Variants in MCTP1 observed in about 807,000 individuals in gnomAD.
The protein encoded by MCTP1 is multiple C2 and transmembrane domain containing 1, also known as multiple C2 and transmembrane domain-containing protein 1.
MCTP1 carries 69 observed loss-of-function variants against 120.6 expected under a neutral mutation model. The ratio of observed to expected loss-of-function variants is 0.57; its 90% CI spans 0.47 to 0.70. MCTP1 has a LOEUF of 0.70. Among genes scored for constraint, MCTP1 ranks in the 30% least tolerant of loss-of-function variants. MCTP1 has a pLI of 0.00. For missense variants in MCTP1, 1,203 were observed against 1,248.8 expected, an observed-to-expected ratio of 0.96 and a Z score of 0.55; for synonymous variants, 529 against 493.1, an observed-to-expected ratio of 1.07 and a Z score of -0.96.
Position 94,868,349 on chromosome 5 carries a change from C to G in MCTP1, c.2420G>C (p.Ser807Thr). ...SCFDWDSPPR[S>T]LAAFVLFLFV... ...TGATCATACCACAAAAGCAGCGAGA[C>G]TCCTTGGGGGTGAATCCCAATCAAA... Residue 807 changes from serine (S) to threonine (T), a missense_variant, in exon 17 of 23, where the codon AGT (serine) becomes ACT (threonine). By Grantham distance (58) the Ser-to-Thr change is moderately conservative. This residue lies in a region of MCTP1 where 740 missense variants were observed against 871.1 expected (regional missense o/e 0.85). Transcript: ENST00000515393. 6.2e-7 allele frequency: 1 copy of G among 1,601,428 alleles called. No homozygotes were observed. The highest frequency in any genetic ancestry group is 8.5e-7 in the Non-Finnish European group (1 of 1,174,614).
Position 94,779,095 on chromosome 5 carries a change from G to C in MCTP1, c.2610+15C>G. 7 of 1,610,414 alleles carry C rather than the reference G, an allele frequency of 4.3e-6. No individual in the cohort carries two copies. Among genetic ancestry groups the C allele is most frequent in the Non-Finnish European group, 5.9e-6 (7 of 1,176,772 alleles). Reference sequence around the variant, plus strand: ...CCCCATCCCCAGGTACCCAAGTGCTGGGAAAGATAATTACCTTGTCATCTT... The same window carrying C: ...CCCCATCCCCAGGTACCCAAGTGCTCGGAAAGATAATTACCTTGTCATCTT... On this transcript the variant is annotated intron_variant, in intron 19 of 22. Coordinates refer to ENST00000515393, the MANE Select transcript of MCTP1 (RefSeq NM_024717.7).
intron 1 of MCTP1, among the ~76,000 whole-genome samples, chr5:95,276,043 G>A (rs923658547): frequency 6.6e-6 from 1 of 152,090 alleles, no homozygotes; most frequent in Non-Finnish European, 1.5e-5. Flanking sequence ...GGAGAAAAAC[G>A]TCCTTTATAA....
chr5:94,880,682 A>C (rs1187412003), intron 12 of MCTP1, among the ~76,000 whole-genome samples: 2 of 152,150 alleles, frequency 1.3e-5, no homozygotes, highest in Non-Finnish European at 2.9e-5. Flanking sequence ...CAGGGCTTGC[A>C]TCATCTCTGC....
intron 2 of MCTP1, among the ~76,000 whole-genome samples, chr5:94,993,666 CA>C (rs1293585822): frequency 3.3e-5 from 5 of 152,288 alleles, no homozygotes; most frequent in Middle Eastern, 6.8e-3. Flanking sequence ...ACTGTAAATG[CA>C]GCTGCCATCT....
At chr5:94,911,058 T>A (rs1808435185) in intron 9 of MCTP1, among the ~76,000 whole-genome samples, 1 of 152,224 alleles carries the variant, frequency 6.6e-6, no homozygotes, top group Non-Finnish European at 1.5e-5. Context: ...CCAATCAGCC[T>A]GCTAGCAATA....
At chr5:94,790,648 A>G (rs1205931984) in intron 18 of MCTP1, among the ~76,000 whole-genome samples, 2 of 152,310 alleles carry the variant, frequency 1.3e-5, no homozygotes, top group Middle Eastern at 3.4e-3. Context: ...CAGCAACTAT[A>G]TGAAACAAAT....
At chr5:94,848,284 C>T (rs1792931126) in intron 17 of MCTP1, among the ~76,000 whole-genome samples, 1 of 151,950 alleles carries the variant, frequency 6.6e-6, no homozygotes, top group South Asian at 2.1e-4. Flanking sequence ...GCGTCTTTCC[C>T]CATTAAAGTT....
chr5:95,186,291 A>C (rs891490963), intron 1 of MCTP1, among the ~76,000 whole-genome samples: 13 of 151,686 alleles, frequency 8.6e-5, no homozygotes, highest in African/African-American at 2.2e-4. Context: ...GAAAAAAAAA[A>C]CTCCCAGACC....
chr5:95,103,068 C>T (rs1278181769), intron 1 of MCTP1, among the ~76,000 whole-genome samples: 3 of 151,876 alleles, frequency 2.0e-5, no homozygotes, highest in Middle Eastern at 3.4e-3. Context: ...TAGCATAATG[C>T]CATCATTTAA....
In MCTP1 at chr5:94,909,320, TC is replaced by T; in HGVS notation, c.1582del (p.Glu528LysfsTer57). The T allele has an allele frequency of 6.2e-7, 1 of 1,608,494 alleles. No individual in the cohort carries two copies. The highest frequency in any genetic ancestry group is 8.5e-7 in the Non-Finnish European group (1 of 1,177,820). Reference protein sequence around the residue: ...REQFDFHLYEERGGVIDITAW... With the variant: ...REQFDFHLYEXRGGVIDITAW... ...AGTGATATCAATGACTCCTCCTCTTTCTTCATAAAGGTGAAAATCAAATTGT... is the reference window on the plus strand; with the variant it reads ...AGTGATATCAATGACTCCTCCTCTTTTTCATAAAGGTGAAAATCAAATTGT... On this transcript the variant is annotated frameshift_variant, in exon 10 of 23. Coordinates refer to ENST00000515393, the MANE Select transcript of MCTP1 (RefSeq NM_024717.7). LOFTEE classifies it high-confidence loss of function.
intron 19 of MCTP1, among the ~76,000 whole-genome samples, chr5:94,724,770 C>A (rs187832320): frequency 6.6e-5 from 10 of 152,134 alleles, no homozygotes; most frequent in East Asian, 1.9e-4. Context: ...ATATCAAAAC[C>A]TTTGACTTAA....
At chr5:95,039,018 T>G (rs531729956) in intron 1 of MCTP1, among the ~76,000 whole-genome samples, 2 of 152,190 alleles carry the variant, frequency 1.3e-5, no homozygotes, top group South Asian at 4.1e-4. Flanking sequence ...TTTTTTTCTC[T>G]TCAAATCCAT....
intron 19 of MCTP1, chr5:94,739,456 C>CA (rs1488872589): frequency 1.3e-5 from 2 of 152,068 alleles, no homozygotes; most frequent in Non-Finnish European, 2.9e-5. Context: ...CATGGAATTA[C>CA]AAAATGTATT....
At chr5:94,867,233 T>G (rs1379152405) in intron 17 of MCTP1, 1 of 1,434,192 alleles carries the variant, frequency 7.0e-7, no homozygotes, top group Non-Finnish European at 9.2e-7. Context: ...TTTCTAAAAC[T>G]TAACGATAAT....
chr5:94,985,213 A>G (rs2153604325), intron 2 of MCTP1, among the ~76,000 whole-genome samples: 1 of 152,280 alleles, frequency 6.6e-6, no homozygotes, highest in South Asian at 2.1e-4. Context: ...TGAGTGATAA[A>G]TGCCCCCAAG....
intron 1 of MCTP1, among the ~76,000 whole-genome samples, chr5:95,057,540 A>G (rs66995620): frequency 0.12 from 18,364 of 152,206 alleles, 1,208 homozygotes; most frequent in Middle Eastern, 0.13. Flanking sequence ...GCCGAAATTC[A>G]TTCATCTCAA....
intron 17 of MCTP1, among the ~76,000 whole-genome samples, chr5:94,802,311 A>G (rs1321117033): frequency 6.6e-6 from 1 of 152,216 alleles, no homozygotes; most frequent in Non-Finnish European, 1.5e-5. Flanking sequence ...AACACAGATT[A>G]ACAATAAAAA....
At chr5:95,169,338 G>T (rs1314117086) in intron 1 of MCTP1, among the ~76,000 whole-genome samples, 1 of 152,194 alleles carries the variant, frequency 6.6e-6, no homozygotes, top group Non-Finnish European at 1.5e-5. Context: ...GTTCATCAGG[G>T]ATATTGGTCT....
chr5:94,979,037 CT>C (rs1249426611), intron 2 of MCTP1: 5 of 152,100 alleles, frequency 3.3e-5, no homozygotes, highest in African/African-American at 1.2e-4. Flanking sequence ...GAGCAAGCTC[CT>C]TCACACCCAT....
Sources: gnomAD v4.1 joint callset for allele counts (sites outside exome capture counted in the v4.1 genomes callset) on GRCh38, gnomAD v4.1.1 for gene constraint, gnomAD v4.1.1 regional missense constraint, MANE v1.5 for transcripts, NCBI Gene and HGNC (gene_info 2026-07-23, HGNC 2026-07-21) for gene names.